SORCS2: variants seen among roughly 807,000 people sequenced by gnomAD.
The protein encoded by SORCS2 is VPS10 domain-containing receptor SorCS2.
Under a neutral mutation model 141.6 loss-of-function variants are expected in SORCS2, and 100 were observed. That is an observed-to-expected ratio of 0.71 (90% CI 0.60 to 0.83). The LOEUF (loss-of-function observed/expected upper bound fraction) is 0.83. SORCS2 is among the 40% of genes least tolerant of loss of function. The pLI, the probability that SORCS2 is intolerant of heterozygous loss-of-function variation, is 0.00. For missense variants in SORCS2, 1,646 were observed against 1,560.2 expected, an observed-to-expected ratio of 1.05 and a Z score of -0.93; for synonymous variants, 789 against 676.9, an observed-to-expected ratio of 1.17 and a Z score of -2.57.
chr4:7,683,973 T>G (rs1262226288), intron 10 of SORCS2, among the ~76,000 whole-genome samples: 2 of 152,084 alleles, frequency 1.3e-5, no homozygotes, highest in Non-Finnish European at 2.9e-5. Context: ...AGGTGAGCAC[T>G]CAGCTGCCAG....
chr4:7,706,007 C>T (rs1190244612), intron 14 of SORCS2, among the ~76,000 whole-genome samples: 1 of 146,254 alleles, frequency 6.8e-6, no homozygotes, highest in Non-Finnish European at 1.6e-5. Flanking sequence ...TCTGCCTGGA[C>T]AGGGATGAGG....
At chr4:7,595,604 A>C (rs1717220396) in intron 3 of SORCS2, among the ~76,000 whole-genome samples, 1 of 151,350 alleles carries the variant, frequency 6.6e-6, no homozygotes, top group African/African-American at 2.4e-5. Context: ...GGAGATTCCA[A>C]GGGTCCTAGG....
intron 23 of SORCS2, among the ~76,000 whole-genome samples, chr4:7,731,786 C>A (rs1711708705): frequency 6.6e-6 from 1 of 152,222 alleles, no homozygotes; most frequent in Non-Finnish European, 1.5e-5. Context: ...TAGATTCTTA[C>A]ACCCTCTACA....
chr4:7,506,074 T>G (rs1414889585), intron 2 of SORCS2, among the ~76,000 whole-genome samples: 1 of 151,786 alleles, frequency 6.6e-6, no homozygotes, highest in African/African-American at 2.4e-5. Flanking sequence ...TAATCTGGGG[T>G]GGGGAGGCTG....
At chr4:7,475,694 C>T (rs959798259) in intron 2 of SORCS2, among the ~76,000 whole-genome samples, 5 of 151,944 alleles carry the variant, frequency 3.3e-5, no homozygotes, top group Non-Finnish European at 7.3e-5. Context: ...CATGCATGTT[C>T]ATGTTCACAC....
chr4:7,404,008 T>A (rs1460286679), intron 2 of SORCS2, among the ~76,000 whole-genome samples: 1,199 of 87,474 alleles, frequency 0.014, 46 homozygotes, highest in Non-Finnish European at 0.022. Context: ...TTTTTTTTTT[T>A]TTTTTAGTAT....
chr4:7,690,274 GTA>G (rs1724146494), intron 11 of SORCS2, among the ~76,000 whole-genome samples: 1 of 136,728 alleles, frequency 7.3e-6, no homozygotes, highest in African/African-American at 2.7e-5. Flanking sequence ...ATAGATGAAT[GTA>G]TGAATGATGC....
rs566460730 is a variant in SORCS2, at chr4:7,723,774, C to T, written c.2502C>T (p.Thr834=). 105 of 1,613,940 alleles carry T rather than the reference C, an allele frequency of 6.5e-5. No individual in the cohort carries two copies. In the East Asian group the frequency reaches 1.1e-3, roughly 16 times the overall value. The change falls in exon 19 of 27, where the codon ACC becomes ACT. Residue 834 remains threonine (T), a synonymous_variant. Coordinates refer to ENST00000507866, the MANE Select transcript of SORCS2 (RefSeq NM_020777.3). ...CCATGTACGTGAACCTTACACTGACCGGGGAGCCCATCCGGCACCGCTACG... is the reference window on the plus strand; with the variant it reads ...CCATGTACGTGAACCTTACACTGACTGGGGAGCCCATCCGGCACCGCTACG... The part of the protein sequence containing the change: ...FKAMYVNLTL[T]GEPIRHRYES...
At chr4:7,545,347 G>A (rs1374694744) in intron 3 of SORCS2, among the ~76,000 whole-genome samples, 1 of 152,238 alleles carries the variant, frequency 6.6e-6, no homozygotes. Flanking sequence ...CAGAGGTCGG[G>A]GAGCTCCAGG....
intron 2 of SORCS2, among the ~76,000 whole-genome samples, chr4:7,495,970 C>T (rs1350190071): frequency 6.6e-6 from 1 of 152,098 alleles, no homozygotes; most frequent in Non-Finnish European, 1.5e-5. Context: ...GTTGCCTGGG[C>T]GAGGGACAGA....
intron 2 of SORCS2, among the ~76,000 whole-genome samples, chr4:7,405,530 C>T (rs116421825): frequency 0.035 from 5,314 of 151,900 alleles, 150 homozygotes; most frequent in Admixed American, 0.047. Context: ...TCTAAGGAGG[C>T]GTTTGTAGTT....
At chr4:7,702,193 T>A (rs1467939035) in intron 12 of SORCS2, among the ~76,000 whole-genome samples, 1 of 152,016 alleles carries the variant, frequency 6.6e-6, no homozygotes, top group African/African-American at 2.4e-5. Flanking sequence ...CTCCTGGGCT[T>A]TCCTGTGTCC....
chr4:7,459,030 C>T (rs1310546420), intron 2 of SORCS2, among the ~76,000 whole-genome samples: 1 of 152,050 alleles, frequency 6.6e-6, no homozygotes, highest in African/African-American at 2.4e-5. Context: ...CTGCTGGGCT[C>T]CTAAGGCGCG....
chr4:7,210,797 G>A (rs1728018561), intron 1 of SORCS2, among the ~76,000 whole-genome samples: 1 of 152,258 alleles, frequency 6.6e-6, no homozygotes, highest in South Asian at 2.1e-4. Flanking sequence ...ACCAAGCAGT[G>A]TCCACTTCTC....
chr4:7,694,925 C>T (rs73204708), intron 11 of SORCS2, among the ~76,000 whole-genome samples: 23,221 of 151,234 alleles, frequency 0.15, 1,863 homozygotes, highest in South Asian at 0.31. Flanking sequence ...TCTTTCCTGC[C>T]TGAGTCTCTC....
At chr4:7,411,083 G>A (rs1324942185) in intron 2 of SORCS2, among the ~76,000 whole-genome samples, 1 of 149,318 alleles carries the variant, frequency 6.7e-6, no homozygotes, top group African/African-American at 2.5e-5. Context: ...AGCCTCCCGA[G>A]TAGCTGGGAC....
At chr4:7,394,706 T>C (rs998366805) in intron 1 of SORCS2, among the ~76,000 whole-genome samples, 19 of 151,038 alleles carry the variant, frequency 1.3e-4, no homozygotes, top group Non-Finnish European at 2.7e-4. Flanking sequence ...CAGGCAGGAG[T>C]GACGGGGATG....
chr4:7,252,455 T>C (rs1713571902), intron 1 of SORCS2, among the ~76,000 whole-genome samples: 2 of 152,236 alleles, frequency 1.3e-5, no homozygotes, highest in Non-Finnish European at 2.9e-5. Context: ...CTCACCCCCT[T>C]CTCTTTTTTT....
intron 2 of SORCS2, among the ~76,000 whole-genome samples, chr4:7,457,913 G>A (rs1296731994): frequency 6.6e-6 from 1 of 152,184 alleles, no homozygotes; most frequent in African/African-American, 2.4e-5. Context: ...CAGGGCGGGG[G>A]TGTCCACACC....
Sources: gnomAD v4.1 joint callset for allele counts (sites outside exome capture counted in the v4.1 genomes callset) on GRCh38, gnomAD v4.1.1 for gene constraint, MANE v1.5 for transcripts, NCBI Gene and HGNC (gene_info 2026-07-23, HGNC 2026-07-21) for gene names.